Variants in FCHO2 observed in about 807,000 individuals in gnomAD.
FCHO2 encodes the protein FCH and mu domain containing endocytic adaptor 2.
In FCHO2, 43 loss-of-function variants were observed where a neutral mutation model predicts 114.1. The observed-to-expected ratio is 0.38, with a 90% CI of 0.30 to 0.49. FCHO2 has a LOEUF of 0.49. FCHO2 is among the 20% of genes least tolerant of loss of function. FCHO2 has a pLI of 0.97. For synonymous variants in FCHO2, 293 were observed against 315.2 expected, an observed-to-expected ratio of 0.93 and a Z score of 0.75; for missense variants, 807 against 950.4, an observed-to-expected ratio of 0.85 and a Z score of 1.98.
chr5:73,075,618 T>C (rs1329342565), intron 20 of FCHO2, among the ~76,000 whole-genome samples: 1 of 152,116 alleles, frequency 6.6e-6, no homozygotes, highest in Non-Finnish European at 1.5e-5. Context: ...AGAGGAGCGC[T>C]GGTTGCTGTA....
chr5:73,051,407 A>G lies in FCHO2; in HGVS notation c.997+1A>G, dbSNP rs1228783867. 1.3e-6 allele frequency: 2 copies of G among 1,512,100 alleles called. No individual in the cohort carries two copies. The highest frequency in any genetic ancestry group is 1.8e-6 in the Non-Finnish European group (2 of 1,114,522). 93.7% of individuals were successfully genotyped at this position (1,512,100 alleles called of 1,614,324 possible). ...ATTAAACCAGAAACAAATCAGAATGATATCCTTTCATCATCTAGTATTCTT... is the reference window on the plus strand; with the variant it reads ...ATTAAACCAGAAACAAATCAGAATGGTATCCTTTCATCATCTAGTATTCTT... On this transcript the variant is annotated splice_donor_variant, in intron 12 of 25. Coordinates refer to ENST00000430046, the MANE Select transcript of FCHO2 (RefSeq NM_138782.3). LOFTEE classifies it high-confidence loss of function.
At chr5:73,004,637 A>T (rs570100047) in intron 5 of FCHO2, among the ~76,000 whole-genome samples, 81 of 114,522 alleles carry the variant, frequency 7.1e-4, no homozygotes, top group Admixed American at 1.3e-3. Flanking sequence ...AGCTTTTTTT[A>T]AAAAAAAGGT....
chr5:73,029,648 T>C (rs1331229207), intron 8 of FCHO2, among the ~76,000 whole-genome samples: 1 of 152,224 alleles, frequency 6.6e-6, no homozygotes, highest in Non-Finnish European at 1.5e-5. Flanking sequence ...AGCATGGTGC[T>C]GGCATGTGCT....
intron 11 of FCHO2, 184 bp from the exon 12 acceptor site, chr5:73,051,165 G>T: frequency 2.2e-6 from 1 of 458,548 alleles, no homozygotes; most frequent in South Asian, 2.9e-5. Context: ...CCAGAGCATG[G>T]AGTGTGATTT....
chr5:73,029,124 G>C (rs904266789), intron 8 of FCHO2, among the ~76,000 whole-genome samples: 3 of 152,150 alleles, frequency 2.0e-5, no homozygotes, highest in Admixed American at 6.6e-5. Context: ...TCATTAAACT[G>C]TACAATTTAA....
chr5:72,975,466 A>T (rs141154216), intron 2 of FCHO2, among the ~76,000 whole-genome samples: 1 of 152,178 alleles, frequency 6.6e-6, no homozygotes, highest in East Asian at 1.9e-4. Flanking sequence ...AGCTGGGATT[A>T]TAGCCCTGCG....
intron 13 of FCHO2, among the ~76,000 whole-genome samples, chr5:73,053,698 A>C (rs1757442708): frequency 6.7e-6 from 1 of 150,332 alleles, no homozygotes; most frequent in South Asian, 2.1e-4. Flanking sequence ...TTCGTCTCAA[A>C]AAAAAAAAAA....
rs1009972501 is a variant in FCHO2, at chr5:72,989,356, G to T, written c.126-71G>T. 4 of 1,119,568 alleles carry T rather than the reference G, an allele frequency of 3.6e-6. No individual in the cohort carries two copies. In the African/African-American group the frequency reaches 4.7e-5, roughly 13 times the overall value. The allele number at this position is 1,119,568 out of a possible 1,614,324, so 69.4% of individuals were successfully genotyped here. On this transcript the variant is annotated intron_variant, in intron 2 of 25. Coordinates refer to ENST00000430046, the MANE Select transcript of FCHO2 (RefSeq NM_138782.3). ...ATCTTTTTGTTTTGCACTTTTAATT[G>T]TATTTTGATAACTTTGCTGTTTTTG...
rs1743355351 is a variant in FCHO2, at chr5:73,087,659, A to T, written c.2316A>T (p.Gln772His). ...GTAAACCCACGACACTTGCAGTACA[A>T]TTCCTCAGCGAGGGAAGTACCCTTT... ...GPSKPTTLAVQFLSEGSTLSG... is the reference protein window; with the variant it reads ...GPSKPTTLAVHFLSEGSTLSG... The change falls in exon 25 of 26, where the codon CAA (glutamine) becomes CAT (histidine). Residue 772 changes from glutamine (Q) to histidine (H), a missense_variant. Coordinates refer to ENST00000430046, the MANE Select transcript of FCHO2 (RefSeq NM_138782.3). 1.9e-6 allele frequency: 3 copies of T among 1,613,838 alleles called. No individual in the cohort carries two copies. The highest frequency in any genetic ancestry group is 2.2e-5 in the East Asian group (1 of 44,892).
chr5:72,987,186 A>G (rs941723946), intron 2 of FCHO2, among the ~76,000 whole-genome samples: 10 of 149,416 alleles, frequency 6.7e-5, no homozygotes, highest in Non-Finnish European at 4.5e-5. Context: ...TATTTTAACT[A>G]TTTTTCTACA....
At position 73,083,061 on chromosome 5, in the gene FCHO2, T is replaced by C. The variant is rs534294812; in HGVS notation, c.2245+236T>C. 2.3e-4 allele frequency among the ~76,000 whole-genome samples: 35 copies of C among 152,028 alleles called. No homozygotes were observed. In the East Asian group the frequency reaches 6.6e-3, roughly 29 times the overall value. ...ACTAATTTTTGTTTGTTTGTTTTTT[T>C]TTTTAGTAGAAACAGGGTTTCACTA... On this transcript the variant is annotated intron_variant, in intron 24 of 25. Coordinates refer to ENST00000430046, the MANE Select transcript of FCHO2 (RefSeq NM_138782.3).
chr5:72,964,818 C>T (rs1407080465), intron 1 of FCHO2, among the ~76,000 whole-genome samples: 1 of 152,086 alleles, frequency 6.6e-6, no homozygotes, highest in African/African-American at 2.4e-5. Flanking sequence ...TTTCACTTTC[C>T]ACAGTTTCAG....
At chr5:72,959,691 A>G (rs1751744819) in intron 1 of FCHO2, among the ~76,000 whole-genome samples, 1 of 152,186 alleles carries the variant, frequency 6.6e-6, no homozygotes, top group African/African-American at 2.4e-5. Context: ...CAATTAAAAG[A>G]TAAAAACTTG....
chr5:72,980,382 A>C (rs932231977), intron 2 of FCHO2, among the ~76,000 whole-genome samples: 5 of 152,086 alleles, frequency 3.3e-5, no homozygotes, highest in Non-Finnish European at 5.9e-5. Context: ...GGTCAGTTTT[A>C]GAATAAGTGT....
chr5:72,997,087 G>T, intron 5 of FCHO2: 1 of 1,223,898 alleles, frequency 8.2e-7, no homozygotes, highest in Admixed American at 1.7e-5. Flanking sequence ...TCAGCTAGGT[G>T]AAGAGGAAGA....
intron 2 of FCHO2, among the ~76,000 whole-genome samples, chr5:72,980,410 A>G (rs997408766): frequency 2.0e-5 from 3 of 152,116 alleles, no homozygotes; most frequent in African/African-American, 7.2e-5. Context: ...TGCTGAGAAG[A>G]ATGTATATTC....
chr5:72,977,993 C>G (rs1311083340), intron 2 of FCHO2, among the ~76,000 whole-genome samples: 1 of 152,124 alleles, frequency 6.6e-6, no homozygotes, highest in Non-Finnish European at 1.5e-5. Flanking sequence ...TGTTTTGGTA[C>G]CAGTACCATG....
chr5:73,035,826 A>G (rs1443817793), intron 9 of FCHO2, among the ~76,000 whole-genome samples: 3 of 151,968 alleles, frequency 2.0e-5, no homozygotes, highest in African/African-American at 7.3e-5. Context: ...CTCAAAGAGT[A>G]AACACCTAAG....
At chr5:72,981,276 C>G (rs1321530723) in intron 2 of FCHO2, among the ~76,000 whole-genome samples, 1 of 152,154 alleles carries the variant, frequency 6.6e-6, no homozygotes, top group Non-Finnish European at 1.5e-5. Flanking sequence ...TTGGCCCCCA[C>G]TGTCTTCTGG....
Sources: gnomAD v4.1 joint callset for allele counts (sites outside exome capture counted in the v4.1 genomes callset) on GRCh38, gnomAD v4.1.1 for gene constraint, MANE v1.5 for transcripts, NCBI Gene and HGNC (gene_info 2026-07-23, HGNC 2026-07-21) for gene names.